Variants in SEMA6A observed in about 807,000 individuals in gnomAD.
SEMA6A encodes semaphorin 6A.
A neutral mutation model predicts 96.8 loss-of-function variants in SEMA6A; 25 were observed. The observed-to-expected ratio is 0.26, with a 90% CI of 0.19 to 0.36. The LOEUF (loss-of-function observed/expected upper bound fraction) is 0.36, where lower values mean the gene tolerates loss of function less well. SEMA6A is among the 10% of genes least tolerant of loss of function. The probability of loss-of-function intolerance (pLI) is 1.00; values close to 1 mark genes in which losing one functional copy is unlikely to be tolerated. For missense variants in SEMA6A, 1,363 were observed against 1,323.1 expected, an observed-to-expected ratio of 1.03 and a Z score of -0.47; for synonymous variants, 612 against 518.0, an observed-to-expected ratio of 1.18 and a Z score of -2.46.
intron 1 of SEMA6A, among the ~76,000 whole-genome samples, chr5:116,552,729 A>C (rs1425263620): frequency 6.6e-6 from 1 of 152,234 alleles, no homozygotes; most frequent in East Asian, 1.9e-4. Context: ...ATTTACACTT[A>C]CAGGAAGTGT....
At chr5:116,471,962 G>A (rs1756172545) in intron 17 of SEMA6A, among the ~76,000 whole-genome samples, 1 of 150,730 alleles carries the variant, frequency 6.6e-6, no homozygotes, top group East Asian at 2.0e-4. Context: ...ACCTATTTCT[G>A]TACTTAAAGA....
intron 10 of SEMA6A, 84 bp from the exon 11 acceptor site, chr5:116,482,659 G>C (rs1418016788): frequency 7.1e-7 from 1 of 1,405,602 alleles, no homozygotes; most frequent in African/African-American, 1.4e-5. Context: ...AAACTTTCCT[G>C]GTACAGCAAA....
intron 18 of SEMA6A, 59 bp downstream of exon 18, chr5:116,467,524 G>C: frequency 6.6e-7 from 1 of 1,522,198 alleles, no homozygotes; most frequent in East Asian, 2.3e-5. Context: ...CAGTTACACA[G>C]TCCTCCCCAC....
rs1332401092 is a variant in SEMA6A, at chr5:116,443,624, CTT to C, written c.*2987_*2988del. The C allele has an allele frequency of 6.6e-6, 1 of 152,412 alleles. No homozygotes were observed. The highest frequency in any genetic ancestry group is 2.4e-5 in the African/African-American group (1 of 41,390). 9.4% of individuals were successfully genotyped at this position (152,412 alleles called of 1,614,324 possible). On this transcript the variant is annotated 3_prime_UTR_variant, in exon 19 of 19. Transcript: ENST00000343348. ...CCTTTTCCTTGCTTTTCTTTTTTCC[CTT>C]TTTTTCTTTTCTTTTTTCTTTTCTT... is the stretch of plus-strand genomic sequence containing the variant.
At chr5:116,526,222 C>G (rs1759218210) in intron 1 of SEMA6A, among the ~76,000 whole-genome samples, 1 of 152,048 alleles carries the variant, frequency 6.6e-6, no homozygotes, top group African/African-American at 2.4e-5. Context: ...ACAGCCCCTC[C>G]CCACTCCACT....
At chr5:116,566,174 T>G (rs1378562844) in intron 1 of SEMA6A, among the ~76,000 whole-genome samples, 1 of 152,210 alleles carries the variant, frequency 6.6e-6, no homozygotes, top group Admixed American at 6.5e-5. Context: ...TATAAATGCT[T>G]CTAATCAAAT....
Position 116,473,102 on chromosome 5 carries a change from C to A in SEMA6A, c.1709-9G>T. The A allele has an allele frequency of 6.3e-7, 1 of 1,591,990 alleles. No homozygotes were observed. Among genetic ancestry groups the A allele is most frequent in the Non-Finnish European group, 8.6e-7 (1 of 1,168,148 alleles). ...CAGTGCCACAAAGGAATCTGAAAGACAAAAGGGAGGAGAAGGTTACTTAAT... is the reference window on the plus strand; with the variant it reads ...CAGTGCCACAAAGGAATCTGAAAGAAAAAAGGGAGGAGAAGGTTACTTAAT... On this transcript the variant is annotated splice_polypyrimidine_tract_variant and intron_variant, in intron 16 of 18. Coordinates refer to ENST00000343348, the MANE Select transcript of SEMA6A (RefSeq NM_020796.5).
chr5:116,533,020 T>C (rs2112844416), intron 1 of SEMA6A, among the ~76,000 whole-genome samples: 1 of 152,358 alleles, frequency 6.6e-6, no homozygotes, highest in Non-Finnish European at 1.5e-5. Flanking sequence ...AACTTGGCCC[T>C]GTGTAGGCAT....
At position 116,504,856 on chromosome 5, in the gene SEMA6A, G is replaced by A. The variant is rs763865484; in HGVS notation, c.89C>T (p.Ser30Leu). ...CCATGGGTACTTACAGTTGCCATGC[G>A]AAATACTGATTGGCTCAGAATCTTC... is the stretch of plus-strand genomic sequence containing the variant. ...FPEDSEPISI[S>L]HGNYTKQYPV... The change falls in exon 2 of 19, where the codon TCG becomes TTG. Residue 30 changes from serine (S) to leucine (L), a missense_variant. Transcript: ENST00000343348. The A allele has an allele frequency of 1.1e-5, 17 of 1,598,428 alleles. No individual in the cohort carries two copies. The highest frequency in any genetic ancestry group is 1.7e-4 in the Middle Eastern group (1 of 6,056).
intron 1 of SEMA6A, among the ~76,000 whole-genome samples, chr5:116,561,033 C>T (rs1352967020): frequency 6.6e-6 from 1 of 152,048 alleles, no homozygotes; most frequent in Non-Finnish European, 1.5e-5. Flanking sequence ...TATGGAGGAG[C>T]ACAAAACTCA....
At position 116,529,408 on chromosome 5, in the gene SEMA6A, C is replaced by G. The variant is rs116482640; in HGVS notation, c.-38-24426G>C. ...CTAGAAAAGCAGATTTTGAATGTTC[C>G]TAACACAAAAACACAGTAAATGTTT... On this transcript the variant is annotated intron_variant, in intron 1 of 18. Coordinates refer to ENST00000343348, the MANE Select transcript of SEMA6A (RefSeq NM_020796.5). Among the ~76,000 whole-genome samples the G allele has an allele frequency of 6.7e-3, 1,019 of 152,190 alleles. 12 individuals are homozygous for G. Among genetic ancestry groups the G allele is most frequent in the African/African-American group, 0.024 (980 of 41,514 alleles).
chr5:116,531,993 T>G (rs549461576), intron 1 of SEMA6A, among the ~76,000 whole-genome samples: 1 of 152,130 alleles, frequency 6.6e-6, no homozygotes, highest in African/African-American at 2.4e-5. Context: ...AACACAGAGG[T>G]AGGGACCACC....
chr5:116,572,520 C>G (rs1045000911), intron 1 of SEMA6A, among the ~76,000 whole-genome samples: 5 of 152,204 alleles, frequency 3.3e-5, no homozygotes, highest in African/African-American at 1.2e-4. Context: ...CTTCCTCCCT[C>G]CCTGGATAGC....
At chr5:116,546,333 C>A (rs1173501807) in intron 1 of SEMA6A, among the ~76,000 whole-genome samples, 2 of 152,220 alleles carry the variant, frequency 1.3e-5, no homozygotes, top group African/African-American at 4.8e-5. Flanking sequence ...AGATAAACTA[C>A]TAACAAACAT....
intron 18 of SEMA6A, among the ~76,000 whole-genome samples, chr5:116,466,059 TAAAAAA>T (rs35801222): frequency 1.1e-5 from 1 of 93,660 alleles, no homozygotes; most frequent in African/African-American, 4.3e-5. Context: ...AAAACCAGCT[TAAAAAA>T]AAAAAAAAAA....
intron 10 of SEMA6A, among the ~76,000 whole-genome samples, chr5:116,482,814 C>T (rs931019693): frequency 6.6e-6 from 1 of 152,198 alleles, no homozygotes; most frequent in African/African-American, 2.4e-5. Flanking sequence ...AAAAACTCTT[C>T]ATGTCTACAT....
intron 1 of SEMA6A, among the ~76,000 whole-genome samples, chr5:116,564,945 A>G (rs1335650925): frequency 1.3e-5 from 2 of 152,236 alleles, no homozygotes; most frequent in African/African-American, 4.8e-5. Flanking sequence ...GCACACAGCA[A>G]TCATGATGTC....
chr5:116,520,475 T>TA (rs557672832), intron 1 of SEMA6A, among the ~76,000 whole-genome samples: 30 of 152,038 alleles, frequency 2.0e-4, no homozygotes, highest in African/African-American at 6.8e-4. Flanking sequence ...AATGAAGCTC[T>TA]AAAAAAAGAG....
rs1754207422 is a variant in SEMA6A at position 116,446,377 on chromosome 5, G to A, written c.*236C>T. Reference sequence around the variant, plus strand: ...TGGGTCCGACCTGTTGTAGGGTGTGGGGGAAAGTGAAGGAAGAGAATGAAG... The same window carrying A: ...TGGGTCCGACCTGTTGTAGGGTGTGAGGGAAAGTGAAGGAAGAGAATGAAG... On this transcript the variant is annotated 3_prime_UTR_variant, in exon 19 of 19. Transcript: ENST00000343348. The A allele has an allele frequency of 2.2e-6, 1 of 445,076 alleles. No homozygotes were observed. Among genetic ancestry groups the A allele is most frequent in the African/African-American group, 2.0e-5 (1 of 50,720 alleles). The allele number at this position is 445,076 out of a possible 1,614,324, so 27.6% of individuals were successfully genotyped here.
Sources: allele counts gnomAD v4.1 joint callset (sites outside exome capture counted in the v4.1 genomes callset), GRCh38; gene constraint gnomAD v4.1.1; transcripts MANE v1.5; gene names NCBI Gene and HGNC (gene_info 2026-07-23, HGNC 2026-07-21).